The following PYCARD variants were observed in gnomAD, a reference collection of about 807,000 sequenced individuals.
The protein encoded by PYCARD is apoptosis-associated speck-like protein containing a CARD.
PYCARD carries 10 observed loss-of-function variants against 10.0 expected under a neutral mutation model. That is an observed-to-expected ratio of 1.00 (90% CI 0.62 to 1.69). The LOEUF (loss-of-function observed/expected upper bound fraction) is 1.69. PYCARD is among the 40% of genes most tolerant of loss of function. The pLI, the probability that PYCARD is intolerant of heterozygous loss-of-function variation, is 0.00. For missense variants in PYCARD, 239 were observed against 260.2 expected, an observed-to-expected ratio of 0.92 and a Z score of 0.56; for synonymous variants, 121 against 122.3, an observed-to-expected ratio of 0.99 and a Z score of 0.07.
At position 31,202,313 on chromosome 16, in the gene PYCARD, C is replaced by T. The variant is rs1384467498; in HGVS notation, c.274+104G>A. The T allele has an allele frequency of 1.6e-5, 25 of 1,538,706 alleles. No homozygotes were observed. The highest frequency in any genetic ancestry group is 2.2e-5 in the Non-Finnish European group (25 of 1,147,248). The stretch of plus-strand genomic sequence containing the variant: ...GGGAGCCTCCTTTCCGGTAGAGCAG[C>T]TTTGTTTAGGGGTAGGAGGAACAGA... On this transcript the variant is annotated intron_variant, in intron 1 of 2. Transcript: ENST00000247470. This position sits in a 1 kb window ranked among gnomAD's most constrained non-coding sequence, Gnocchi z 4.5.
chr16:31,201,550 C>T lies in PYCARD; in HGVS notation c.*35G>A. On this transcript the variant is annotated 3_prime_UTR_variant, in exon 3 of 3. Coordinates refer to ENST00000247470, the MANE Select transcript of PYCARD (RefSeq NM_013258.5). Reference sequence around the variant, plus strand: ...GATTCAGGATGATTTGGTGGGATTGCCAGGGGCTGACCGGAGTGTTGCTGG... The same window carrying T: ...GATTCAGGATGATTTGGTGGGATTGTCAGGGGCTGACCGGAGTGTTGCTGG... 1 of 1,598,424 alleles carries T rather than the reference C, an allele frequency of 6.3e-7. No individual in the cohort carries two copies. Among genetic ancestry groups the T allele is most frequent in the Non-Finnish European group, 8.5e-7 (1 of 1,170,450 alleles).
rs2079450377 is a variant in PYCARD at position 31,202,403 on chromosome 16, C to CG, written c.274+13dup. 1 of 1,526,110 alleles carries CG rather than the reference C, an allele frequency of 6.6e-7. No homozygotes were observed. The highest frequency in any genetic ancestry group is 8.8e-7 in the Non-Finnish European group (1 of 1,136,670). The allele number at this position is 1,526,110 out of a possible 1,614,324, so 94.5% of individuals were successfully genotyped here. The stretch of plus-strand genomic sequence containing the variant: ...AGGGGAAAGACGGGGTGGAGGGGAA[C>CG]GGGGGCGGCTCACCCTGGTGCGTGG... On this transcript the variant is annotated intron_variant, in intron 1 of 2. Transcript: ENST00000247470. The surrounding 1 kb of genome is among the most constrained non-coding windows in gnomAD (Gnocchi z 4.5).
Position 31,202,706 on chromosome 16 carries a change from G to A in PYCARD, c.-16C>T. On this transcript the variant is annotated 5_prime_UTR_variant, in exon 1 of 3. Transcript: ENST00000247470. The surrounding 1 kb of genome is among the most constrained non-coding windows in gnomAD (Gnocchi z 4.5). ...CGCGCCCCATGGCTCCAGGATCCCC[G>A]GCCGCTGCCGCCGCTCACCCCGCTG... The A allele has an allele frequency of 6.5e-7, 1 of 1,531,970 alleles. No homozygotes were observed. The highest frequency in any genetic ancestry group is 8.8e-7 in the Non-Finnish European group (1 of 1,141,688). 94.9% of individuals were successfully genotyped at this position (1,531,970 alleles called of 1,614,324 possible).
Position 31,202,491 on chromosome 16 carries a change from T to G in PYCARD, c.200A>C (p.Glu67Ala), listed in dbSNP as rs1273709883. ...VSFYLETYGA[E>A]LTANVLRDMG... ...GTCGCGCAGCACGTTAGCGGTGAGCTCGGCGCCGTAGGTCTCCAGGTAGAA... is the reference window on the plus strand; with the variant it reads ...GTCGCGCAGCACGTTAGCGGTGAGCGCGGCGCCGTAGGTCTCCAGGTAGAA... Residue 67 changes from glutamate (E) to alanine (A), a missense_variant, in exon 1 of 3, where the codon GAG (glutamate) becomes GCG (alanine). Glu to Ala is a moderately radical substitution (Grantham distance 107). Coordinates refer to ENST00000247470, the MANE Select transcript of PYCARD (RefSeq NM_013258.5). The surrounding 1 kb of genome is among the most constrained non-coding windows in gnomAD (Gnocchi z 4.5). 5.6e-6 allele frequency: 9 copies of G among 1,598,662 alleles called. No individual in the cohort carries two copies. The East Asian group carries it at 2.0e-4, about 36-fold the overall frequency.
At position 31,202,107 on chromosome 16, in the gene PYCARD, C is replaced by G. The variant is rs773258568; in HGVS notation, c.331+40G>C. On this transcript the variant is annotated intron_variant, in intron 2 of 2. Transcript: ENST00000247470. The surrounding 1 kb of genome is among the most constrained non-coding windows in gnomAD (Gnocchi z 4.5). ...TGCGGGAGCACAGATGCAGGCTGTG[C>G]AGGAGTGCGGTGGGGCCGGGCTGGG... 9.6e-5 allele frequency: 153 copies of G among 1,594,906 alleles called. No individual in the cohort carries two copies. Among genetic ancestry groups the G allele is most frequent in the Middle Eastern group, 2.1e-4 (1 of 4,814 alleles).
rs747889677 is a variant in PYCARD at position 31,202,471 on chromosome 16, G to A, written c.220C>T (p.Arg74Cys). 6 of 1,579,408 alleles carry A rather than the reference G, an allele frequency of 3.8e-6. No individual in the cohort carries two copies. In the Admixed American group the frequency reaches 7.3e-5, roughly 19 times the overall value. Residue 74 changes from arginine (R) to cysteine (C), a missense_variant, in exon 1 of 3, where the codon CGC becomes TGC. Physicochemically the swap from Arg to Cys is radical, Grantham distance 180 (BLOSUM62 -3). Transcript: ENST00000247470. This position sits in a 1 kb window ranked among gnomAD's most constrained non-coding sequence, Gnocchi z 4.5. ...GCCATCTCCTGCAGGCCCATGTCGC[G>A]CAGCACGTTAGCGGTGAGCTCGGCG... is the stretch of plus-strand genomic sequence containing the variant. ...YGAELTANVL[R>C]DMGLQEMAGQ... is the part of the protein sequence containing the mutation.
At position 31,202,644 on chromosome 16, in the gene PYCARD, G is replaced by T; in HGVS notation, c.47C>A (p.Thr16Asn). The T allele has an allele frequency of 6.2e-7, 1 of 1,608,818 alleles. No homozygotes were observed. Among genetic ancestry groups the T allele is most frequent in the Non-Finnish European group, 8.5e-7 (1 of 1,177,230 alleles). The change falls in exon 1 of 3, where the codon ACC becomes AAC. Residue 16 changes from threonine (T) to asparagine (N), a missense_variant. By Grantham distance (65) the Thr-to-Asn change is moderately conservative. Coordinates refer to ENST00000247470, the MANE Select transcript of PYCARD (RefSeq NM_013258.5). The surrounding 1 kb of genome is among the most constrained non-coding windows in gnomAD (Gnocchi z 4.5). ...CTTGAACTTCTTGAGCTCCTCGGCG[G>T]TCAGGTTCTCCAGCGCATCCAGGAT... is the stretch of plus-strand genomic sequence containing the variant. ...DAILDALENL[T>N]AEELKKFKLK...
chr16:31,201,842 C>G lies in PYCARD; in HGVS notation c.332-1G>C. 6.2e-7 allele frequency: 1 copy of G among 1,613,472 alleles called. No individual in the cohort carries two copies. The highest frequency in any genetic ancestry group is 8.5e-7 in the Non-Finnish European group (1 of 1,179,702). ...CGGTGCTGGTCTATAAAGTGCAGGC[C>G]TGGGGGTGGGAGGAGAACATGAGCC... On this transcript the variant is annotated splice_acceptor_variant, in intron 2 of 2. Transcript: ENST00000247470. LOFTEE classifies it high-confidence loss of function.
In PYCARD at chr16:31,202,160, C is replaced by A. The variant is rs750929809; in HGVS notation, c.318G>T (p.Ser106=). 7 of 1,607,404 alleles carry A rather than the reference C, an allele frequency of 4.4e-6. No individual in the cohort carries two copies. The East Asian group carries it at 1.3e-4, about 31-fold the overall frequency. ...TGGAGGCCTCACCTGGCTTGGCTGC[C>A]GACTGAGGAGGGGCCTGGATCCCAG... ...APAGIQAPPQ[S]AAKPGLHFID... is the part of the protein sequence containing the mutation. Residue 106 remains serine, a synonymous_variant, in exon 2 of 3, where the codon TCG becomes TCT. Transcript: ENST00000247470. This position sits in a 1 kb window ranked among gnomAD's most constrained non-coding sequence, Gnocchi z 4.5.
rs140177857 is a variant in PYCARD, at chr16:31,201,720, G to C, written c.453C>G (p.Ala151=). The change falls in exon 3 of 3, where the codon GCC becomes GCG. Residue 151 remains alanine, a synonymous_variant. Coordinates refer to ENST00000247470, the MANE Select transcript of PYCARD (RefSeq NM_013258.5). ...GCATCTTGCTTGGGTTGGTGGGCTC[G>C]GCCCGCACTGCCTGGTACTGCTCAT... The part of the protein sequence containing the change: ...LTDEQYQAVR[A]EPTNPSKMRK... 608 of 1,614,078 alleles carry C rather than the reference G, an allele frequency of 3.8e-4. 1 individual carries two copies. Among genetic ancestry groups the C allele is most frequent in the Non-Finnish European group, 4.5e-4 (536 of 1,180,046 alleles).
chr16:31,201,700 T>C lies in PYCARD; in HGVS notation c.473A>G (p.Lys158Arg). ...AVRAEPTNPS[K>R]MRKLFSFTPA... ...TGTGAAACTGAAGAGCTTCCGCATC[T>C]TGCTTGGGTTGGTGGGCTCGGCCCG... Residue 158 changes from lysine (K) to arginine (R), a missense_variant, in exon 3 of 3, where the codon AAG (lysine) becomes AGG (arginine). Transcript: ENST00000247470. 2 of 1,614,222 alleles carry C rather than the reference T, an allele frequency of 1.2e-6. No homozygotes were observed. The highest frequency in any genetic ancestry group is 1.7e-6 in the Non-Finnish European group (2 of 1,180,044).
rs768088287 is a variant in PYCARD at position 31,202,484 on chromosome 16, G to A, written c.207C>T (p.Thr69=). 9.7e-5 allele frequency: 154 copies of A among 1,592,648 alleles called. No individual in the cohort carries two copies. The highest frequency in any genetic ancestry group is 1.2e-4 in the Non-Finnish European group (140 of 1,170,784). The part of the protein sequence containing the change: ...FYLETYGAEL[T]ANVLRDMGLQ... Reference sequence around the variant, plus strand: ...GGCCCATGTCGCGCAGCACGTTAGCGGTGAGCTCGGCGCCGTAGGTCTCCA... The same window carrying A: ...GGCCCATGTCGCGCAGCACGTTAGCAGTGAGCTCGGCGCCGTAGGTCTCCA... Residue 69 remains threonine (T), a synonymous_variant, in exon 1 of 3, where the codon ACC becomes ACT. Transcript: ENST00000247470. This position sits in a 1 kb window ranked among gnomAD's most constrained non-coding sequence, Gnocchi z 4.5.
chr16:31,201,935 G>A, intron 2 of PYCARD, 94 bp from the exon 3 acceptor site: 1 of 1,554,406 alleles, frequency 6.4e-7, no homozygotes, highest in Non-Finnish European at 8.7e-7. Flanking sequence ...GCAAGCCTAG[G>A]GGCAGGGCTC....
chr16:31,201,654 G>A lies in PYCARD; in HGVS notation c.519C>T (p.Cys173=), dbSNP rs1381377248. Residue 173 remains cysteine (C), a synonymous_variant, in exon 3 of 3, where the codon TGC becomes TGT. Coordinates refer to ENST00000247470, the MANE Select transcript of PYCARD (RefSeq NM_013258.5). ...FSFTPAWNWT[C]KDLLLQALRE... is the part of the protein sequence containing the mutation. ...TTAGGGCCTGGAGGAGCAAGTCCTT[G>A]CAGGTCCAGTTCCAGGCTGGTGTGA... 6.2e-7 allele frequency: 1 copy of A among 1,614,112 alleles called. No individual in the cohort carries two copies. Among genetic ancestry groups the A allele is most frequent in the Admixed American group, 1.7e-5 (1 of 60,014 alleles).
rs926891801 is a variant in PYCARD, at chr16:31,201,960, C to T, written c.332-119G>A. On this transcript the variant is annotated intron_variant, in intron 2 of 2. Transcript: ENST00000247470. Reference sequence around the variant, plus strand: ...GGGCAGGGCTCCAGGGGGCGGCCACCAGGACCCCACATGCAGTGGGATGAG... The same window carrying T: ...GGGCAGGGCTCCAGGGGGCGGCCACTAGGACCCCACATGCAGTGGGATGAG... The T allele has an allele frequency of 6.7e-6, 10 of 1,495,642 alleles. No individual in the cohort carries two copies. In the African/African-American group the frequency reaches 1.1e-4, roughly 16 times the overall value. The allele number at this position is 1,495,642 out of a possible 1,614,324, so 92.6% of individuals were successfully genotyped here. A position where few individuals can be genotyped will look rare whatever the true frequency, so the allele number is the denominator to read the frequency against.
chr16:31,201,765 C>T lies in PYCARD; in HGVS notation c.408G>A (p.Leu136=), dbSNP rs144234090. 1.2e-3 allele frequency: 1,962 copies of T among 1,614,192 alleles called. 4 individuals carry two copies. Among genetic ancestry groups the T allele is most frequent in the Non-Finnish European group, 1.6e-3 (1,851 of 1,180,038 alleles). Residue 136 remains leucine, a synonymous_variant, in exon 3 of 3, where the codon CTG becomes CTA. Transcript: ENST00000247470. ...VTNVEWLLDA[L]YGKVLTDEQY... ...GCTCATCCGTCAGGACCTTCCCGTACAGAGCATCCAGCAGCCACTCAACGT... is the reference window on the plus strand; with the variant it reads ...GCTCATCCGTCAGGACCTTCCCGTATAGAGCATCCAGCAGCCACTCAACGT...
chr16:31,201,923 C>T (rs1438911329), intron 2 of PYCARD, 82 bp from the exon 3 acceptor site: 1 of 1,574,508 alleles, frequency 6.4e-7, no homozygotes, highest in Admixed American at 1.7e-5. Flanking sequence ...AGGAATTCCT[C>T]TGCAAGCCTA....
At position 31,201,584 on chromosome 16, in the gene PYCARD, C is replaced by T. The variant is rs1345240163; in HGVS notation, c.*1G>A. 1.9e-6 allele frequency: 3 copies of T among 1,611,466 alleles called. No individual in the cohort carries two copies. Among genetic ancestry groups the T allele is most frequent in the African/African-American group, 1.3e-5 (1 of 74,998 alleles). On this transcript the variant is annotated 3_prime_UTR_variant, in exon 3 of 3. Coordinates refer to ENST00000247470, the MANE Select transcript of PYCARD (RefSeq NM_013258.5). ...GACCGGAGTGTTGCTGGGAAGGAGCCTCAGCTCCGCTCCAGGTCCTCCACC... is the reference window on the plus strand; with the variant it reads ...GACCGGAGTGTTGCTGGGAAGGAGCTTCAGCTCCGCTCCAGGTCCTCCACC...
rs1335669242 is a variant in PYCARD, at chr16:31,202,470, C to T, written c.221G>A (p.Arg74His). ...GGCCATCTCCTGCAGGCCCATGTCG[C>T]GCAGCACGTTAGCGGTGAGCTCGGC... ...YGAELTANVL[R>H]DMGLQEMAGQ... Residue 74 changes from arginine to histidine, a missense_variant, in exon 1 of 3, where the codon CGC becomes CAC. By Grantham distance (29) the Arg-to-His change is conservative. Transcript: ENST00000247470. The surrounding 1 kb of genome is among the most constrained non-coding windows in gnomAD (Gnocchi z 4.5). 1 of 1,578,902 alleles carries T rather than the reference C, an allele frequency of 6.3e-7. No homozygotes were observed. Among genetic ancestry groups the T allele is most frequent in the Non-Finnish European group, 8.6e-7 (1 of 1,163,882 alleles).
Sources: gnomAD v4.1 joint callset for allele counts on GRCh38, gnomAD v4.1.1 for gene constraint, Gnocchi (gnomAD v3.1) non-coding constraint, MANE v1.5 for transcripts, NCBI Gene and HGNC (gene_info 2026-07-23, HGNC 2026-07-21) for gene names.